BUB1B: variants seen among roughly 807,000 people sequenced by gnomAD.
The protein encoded by BUB1B is BUB1 mitotic checkpoint serine/threonine kinase B, also known as mitotic checkpoint serine/threonine-protein kinase BUB1 beta.
A neutral mutation model predicts 137.7 loss-of-function variants in BUB1B; 86 were observed. That is an observed-to-expected ratio of 0.62 (90% confidence interval 0.52 to 0.75). The LOEUF (loss-of-function observed/expected upper bound fraction) is 0.75. Among genes scored for constraint, BUB1B ranks in the 30% least tolerant of loss-of-function variants. BUB1B has a pLI of 0.00. For missense variants in BUB1B, 1,130 were observed against 1,236.9 expected, an observed-to-expected ratio of 0.91 and a Z score of 1.30; for synonymous variants, 420 against 417.9, an observed-to-expected ratio of 1.00 and a Z score of -0.06.
Position 40,165,250 on chromosome 15 carries a change from A to G in BUB1B, c.179+54A>G. Reference sequence around the variant, plus strand: ...TCGTCATTCATCCTAAATGTTGTAGATAACGTGGGTGTGGATCCATGAGAG... The same window carrying G: ...TCGTCATTCATCCTAAATGTTGTAGGTAACGTGGGTGTGGATCCATGAGAG... On this transcript the variant is annotated intron_variant, in intron 2 of 22. Coordinates refer to ENST00000287598, the MANE Select transcript of BUB1B (RefSeq NM_001211.6). The G allele has an allele frequency of 5.0e-6, 8 of 1,611,952 alleles. 1 individual carries two copies. The highest frequency in any genetic ancestry group is 1.7e-4 in the Middle Eastern group (1 of 5,918).
At chr15:40,188,974 C>T (rs1056906166) in intron 8 of BUB1B, among the ~76,000 whole-genome samples, 2 of 151,956 alleles carry the variant, frequency 1.3e-5, no homozygotes, top group African/African-American at 4.8e-5. Flanking sequence ...ACCCTTACCA[C>T]AATCAATTTT....
At chr15:40,170,207 T>G in intron 3 of BUB1B, 86 bp downstream of exon 3, 1 of 1,290,926 alleles carries the variant, frequency 7.7e-7, no homozygotes, top group Non-Finnish European at 1.1e-6. Context: ...GTATATGGAG[T>G]GTGTGTCAGA....
At chr15:40,170,743 G>T (rs369093501) in intron 4 of BUB1B, 62 bp downstream of exon 4, 5 of 1,553,554 alleles carry the variant, frequency 3.2e-6, no homozygotes, top group South Asian at 1.1e-5. Flanking sequence ...TTCTCTAGAG[G>T]TATCTGGTAT....
At chr15:40,187,300 T>A (rs2037379205) in intron 8 of BUB1B, among the ~76,000 whole-genome samples, 1 of 152,034 alleles carries the variant, frequency 6.6e-6, no homozygotes, top group Admixed American at 6.6e-5. Flanking sequence ...TAATTTTTTC[T>A]ATTTTTTAGT....
At chr15:40,208,539 A>G in intron 15 of BUB1B, 98 bp from the exon 16 acceptor site, 2 of 1,260,160 alleles carry the variant, frequency 1.6e-6, no homozygotes, top group South Asian at 2.7e-5. Context: ...ACTCCATCTC[A>G]AAAAAAAGAA....
intron 22 of BUB1B, among the ~76,000 whole-genome samples, chr15:40,219,352 G>T (rs1057222943): frequency 2.0e-5 from 3 of 152,056 alleles, no homozygotes; most frequent in Non-Finnish European, 4.4e-5. Flanking sequence ...GACTCTCCTG[G>T]AGAAGAAGTA....
chr15:40,197,398 G>A (rs1287938151), intron 9 of BUB1B, among the ~76,000 whole-genome samples: 2 of 152,132 alleles, frequency 1.3e-5, no homozygotes, highest in Non-Finnish European at 2.9e-5. Context: ...GAAGGCAAGA[G>A]GTAGGGCAGA....
intron 1 of BUB1B, among the ~76,000 whole-genome samples, chr15:40,162,354 T>A (rs1027898223): frequency 6.6e-6 from 1 of 152,202 alleles, no homozygotes; most frequent in Non-Finnish European, 1.5e-5. Flanking sequence ...TAGCTTTTAC[T>A]CTAGTTGTAA....
At chr15:40,177,970 C>T (rs2037241628) in intron 5 of BUB1B, among the ~76,000 whole-genome samples, 1 of 150,840 alleles carries the variant, frequency 6.6e-6, no homozygotes, top group South Asian at 2.1e-4. Flanking sequence ...TTTATGTCTT[C>T]TCAGTCTGGC....
In BUB1B at chr15:40,208,763, G is replaced by T. The variant is rs1319659052; in HGVS notation, c.2136G>T (p.Glu712Asp). ...CTGAGAAACTAGAACTTACTAATGA[G>T]ACTTCAGGTAGGATATACATACCAC... ...QIPEKLELTN[E>D]TSENPTQSPW... Residue 712 changes from glutamate (E) to aspartate (D), a missense_variant, in exon 16 of 23, where the codon GAG (glutamate) becomes GAT (aspartate). Physicochemically the swap from Glu to Asp is conservative, Grantham distance 45. Coordinates refer to ENST00000287598, the MANE Select transcript of BUB1B (RefSeq NM_001211.6). The T allele has an allele frequency of 6.2e-7, 1 of 1,612,114 alleles. No individual in the cohort carries two copies. The highest frequency in any genetic ancestry group is 8.5e-7 in the Non-Finnish European group (1 of 1,178,344).
In BUB1B at chr15:40,197,357, A is replaced by G. The variant is rs76926509; in HGVS notation, c.1288+583A>G. Among the ~76,000 whole-genome samples the G allele has an allele frequency of 6.1e-3, 923 of 152,300 alleles. 8 individuals carry two copies. The highest frequency in any genetic ancestry group is 0.021 in the African/African-American group (883 of 41,576). On this transcript the variant is annotated intron_variant, in intron 9 of 22. Coordinates refer to ENST00000287598, the MANE Select transcript of BUB1B (RefSeq NM_001211.6). Reference sequence around the variant, plus strand: ...TATGGGGAATTTTTGGGAAACAGGAAGCAGTTCTGATTCTGGAGCCTGGAG... The same window carrying G: ...TATGGGGAATTTTTGGGAAACAGGAGGCAGTTCTGATTCTGGAGCCTGGAG...
At chr15:40,189,726 C>G (rs532590470) in intron 8 of BUB1B, among the ~76,000 whole-genome samples, 1 of 152,206 alleles carries the variant, frequency 6.6e-6, no homozygotes, top group African/African-American at 2.4e-5. Context: ...GGCTGTATAC[C>G]TAGGAGAGGA....
At chr15:40,211,947 C>G (rs567391874) in intron 18 of BUB1B, among the ~76,000 whole-genome samples, 1 of 152,156 alleles carries the variant, frequency 6.6e-6, no homozygotes, top group Non-Finnish European at 1.5e-5. Flanking sequence ...CTCAGCCTCC[C>G]GCGTAGCTGG....
chr15:40,203,754 A>G (rs1277286512), intron 14 of BUB1B, among the ~76,000 whole-genome samples: 1 of 152,238 alleles, frequency 6.6e-6, no homozygotes, highest in African/African-American at 2.4e-5. Flanking sequence ...TAAGGTAAAA[A>G]GACCCTGTGT....
Position 40,170,626 on chromosome 15 carries a change from A to G in BUB1B, c.329A>G (p.Gln110Arg). 6.2e-7 allele frequency: 1 copy of G among 1,613,748 alleles called. No individual in the cohort carries two copies. Among genetic ancestry groups the G allele is most frequent in the Non-Finnish European group, 8.5e-7 (1 of 1,179,704 alleles). ...TTAGAAAGAGCTGTAGAAGCACTAC[A>G]AGGAGAAAAACGATATTATAGTGAT... The part of the protein sequence containing the change: ...TLLERAVEAL[Q>R]GEKRYYSDPR... Residue 110 changes from glutamine to arginine, a missense_variant, in exon 4 of 23, where the codon CAA becomes CGA. Transcript: ENST00000287598.
chr15:40,184,911 G>T (rs923381100), intron 6 of BUB1B, among the ~76,000 whole-genome samples: 1 of 151,986 alleles, frequency 6.6e-6, no homozygotes, highest in Non-Finnish European at 1.5e-5. Flanking sequence ...TGTCTTTTTT[G>T]GAAATTTGTG....
In BUB1B at chr15:40,185,085, G is replaced by A. The variant is rs560473604; in HGVS notation, c.752-80G>A. 309 of 1,201,462 alleles carry A rather than the reference G, an allele frequency of 2.6e-4. 2 individuals carry two copies. The Middle Eastern group carries it at 3.2e-3, about 12-fold the overall frequency. The allele number at this position is 1,201,462 out of a possible 1,614,324, so 74.4% of individuals were successfully genotyped here. On this transcript the variant is annotated intron_variant, in intron 6 of 22. Coordinates refer to ENST00000287598, the MANE Select transcript of BUB1B (RefSeq NM_001211.6). ...AGTGGAAATACTGTCCTTGAGTTGAGGAAGAATAGGTATACTTTATCTGGC... is the reference window on the plus strand; with the variant it reads ...AGTGGAAATACTGTCCTTGAGTTGAAGAAGAATAGGTATACTTTATCTGGC...
chr15:40,164,754 G>A (rs966941382), intron 1 of BUB1B, among the ~76,000 whole-genome samples: 1 of 149,510 alleles, frequency 6.7e-6, no homozygotes, highest in South Asian at 2.1e-4. Context: ...CTCCCACTTC[G>A]GCCTCACAAA....
intron 8 of BUB1B, among the ~76,000 whole-genome samples, chr15:40,194,332 T>C (rs903120024): frequency 1.3e-5 from 2 of 152,224 alleles, no homozygotes; most frequent in Non-Finnish European, 2.9e-5. Context: ...TCTTTGTTTC[T>C]CTTGCCTAAT....
Sources: gnomAD v4.1 joint callset for allele counts (sites outside exome capture counted in the v4.1 genomes callset) on GRCh38, gnomAD v4.1.1 for gene constraint, MANE v1.5 for transcripts, NCBI Gene and HGNC (gene_info 2026-07-23, HGNC 2026-07-21) for gene names.